Variants in SNTG1 observed in about 807,000 individuals in gnomAD.
The protein encoded by SNTG1 is syntrophin gamma 1, also known as gamma-1-syntrophin.
A neutral mutation model predicts 74.7 loss-of-function variants in SNTG1; 39 were observed. That is an observed-to-expected ratio of 0.52 (90% CI 0.40 to 0.68). The LOEUF (loss-of-function observed/expected upper bound fraction) is 0.68, where lower values mean the gene tolerates loss of function less well. Ranked by LOEUF, SNTG1 falls within the 30% of genes least tolerant of loss-of-function variation. The pLI is 0.00. For synonymous variants in SNTG1, 254 were observed against 217.1 expected (o/e 1.17, Z -1.49); for missense variants, 685 against 609.5 (o/e 1.12, Z -1.30).
At chr8:50,541,056 TC>T (rs1239325240) in intron 11 of SNTG1, among the ~76,000 whole-genome samples, 1 of 152,160 alleles carries the variant, frequency 6.6e-6, no homozygotes, top group African/African-American at 2.4e-5. Flanking sequence ...CTTATTTTTT[TC>T]TATTGAAAAT....
At chr8:50,434,778 C>T (rs1390438016) in intron 4 of SNTG1, among the ~76,000 whole-genome samples, 1 of 152,160 alleles carries the variant, frequency 6.6e-6, no homozygotes, top group Non-Finnish European at 1.5e-5. Flanking sequence ...ACTTCAGCTA[C>T]TCTTCCTCAG....
intron 2 of SNTG1, among the ~76,000 whole-genome samples, chr8:50,254,683 T>A (rs1223502689): frequency 6.6e-6 from 1 of 151,838 alleles, no homozygotes; most frequent in African/African-American, 2.4e-5. Context: ...CTGTCTCTAC[T>A]AAAAATACAA....
At chr8:50,216,818 G>T (rs888888508) in intron 2 of SNTG1, among the ~76,000 whole-genome samples, 1 of 152,010 alleles carries the variant, frequency 6.6e-6, no homozygotes, top group Non-Finnish European at 1.5e-5. Flanking sequence ...CTTAGTGAAT[G>T]ATTTTAGAGA....
intron 1 of SNTG1, among the ~76,000 whole-genome samples, chr8:50,165,714 T>G (rs1221718059): frequency 3.3e-5 from 5 of 152,188 alleles, no homozygotes; most frequent in Non-Finnish European, 5.9e-5. Flanking sequence ...AACCCTGGAT[T>G]GGAAAACCTT....
At chr8:49,953,650 C>G (rs1054958545) in intron 1 of SNTG1, among the ~76,000 whole-genome samples, 1 of 152,192 alleles carries the variant, frequency 6.6e-6, no homozygotes, top group African/African-American at 2.4e-5. Context: ...TTTGTTATCT[C>G]ATCAGGGTAT....
intron 12 of SNTG1, among the ~76,000 whole-genome samples, chr8:50,573,263 A>G (rs1469830266): frequency 6.6e-6 from 1 of 152,122 alleles, no homozygotes; most frequent in Admixed American, 6.6e-5. Flanking sequence ...TGCTAAATCA[A>G]TGCTGCTAAA....
At chr8:49,951,095 T>C (rs1371757817) in intron 1 of SNTG1, among the ~76,000 whole-genome samples, 1 of 152,198 alleles carries the variant, frequency 6.6e-6, no homozygotes, top group Non-Finnish European at 1.5e-5. Flanking sequence ...TTTGGGGGGA[T>C]AGTAAAATTG....
chr8:49,937,003 G>A (rs529033168), intron 1 of SNTG1, among the ~76,000 whole-genome samples: 51 of 152,036 alleles, frequency 3.4e-4, no homozygotes, highest in Non-Finnish European at 4.1e-4. Flanking sequence ...ACAAAAATTC[G>A]CCGGACGTGG....
At chr8:50,737,232 C>T (rs1384909282) in intron 17 of SNTG1, among the ~76,000 whole-genome samples, 1 of 151,932 alleles carries the variant, frequency 6.6e-6, no homozygotes, top group Non-Finnish European at 1.5e-5. Context: ...GGCATATTAC[C>T]ACTGATCCCA....
intron 1 of SNTG1, among the ~76,000 whole-genome samples, chr8:49,913,379 A>G (rs1805743784): frequency 6.6e-6 from 1 of 152,258 alleles, no homozygotes; most frequent in South Asian, 2.1e-4. Context: ...ATGCATATCT[A>G]TACGTACCTT....
chr8:50,293,920 A>G (rs190633560), intron 2 of SNTG1, among the ~76,000 whole-genome samples: 1 of 152,310 alleles, frequency 6.6e-6, no homozygotes, highest in East Asian at 1.9e-4. Context: ...ATTTGACATC[A>G]TATAACTTTT....
chr8:50,764,642 A>G (rs2095608988), intron 18 of SNTG1, among the ~76,000 whole-genome samples: 1 of 151,960 alleles, frequency 6.6e-6, no homozygotes, highest in Non-Finnish European at 1.5e-5. Flanking sequence ...GCAAAAATGT[A>G]GAAAAAAGGG....
intron 1 of SNTG1, among the ~76,000 whole-genome samples, chr8:50,160,888 A>C (rs1410458304): frequency 6.6e-6 from 1 of 152,170 alleles, no homozygotes; most frequent in Non-Finnish European, 1.5e-5. Flanking sequence ...AAACAACTGG[A>C]CACAAGCCTG....
intron 18 of SNTG1, among the ~76,000 whole-genome samples, chr8:50,768,142 A>G (rs2095618428): frequency 1.3e-5 from 2 of 152,056 alleles, no homozygotes; most frequent in Admixed American, 6.6e-5. Context: ...CCTTGCCCCA[A>G]GTCCCCACCA....
At chr8:50,667,782 G>A (rs1462440261) in intron 15 of SNTG1, among the ~76,000 whole-genome samples, 1 of 151,916 alleles carries the variant, frequency 6.6e-6, no homozygotes, top group South Asian at 2.1e-4. Context: ...TCTTAAAAAG[G>A]TTGATTGCTT....
chr8:50,517,946 G>A (rs538229865), intron 9 of SNTG1, among the ~76,000 whole-genome samples: 2 of 152,138 alleles, frequency 1.3e-5, no homozygotes, highest in African/African-American at 2.4e-5. Context: ...CAGCTCTGGA[G>A]CAAGTGGACT....
intron 1 of SNTG1, among the ~76,000 whole-genome samples, chr8:50,097,294 G>A (rs1563588406): frequency 2.0e-5 from 3 of 150,956 alleles, no homozygotes; most frequent in Admixed American, 1.3e-4. Context: ...TAGATGCTTA[G>A]TTGTGAATTT....
At chr8:50,616,631 C>A (rs2094887034) in intron 13 of SNTG1, among the ~76,000 whole-genome samples, 1 of 152,124 alleles carries the variant, frequency 6.6e-6, no homozygotes, top group Non-Finnish European at 1.5e-5. Context: ...CTCTCTTGAG[C>A]CCTCCCCCTC....
chr8:50,725,933 G>A (rs558077464), intron 17 of SNTG1, among the ~76,000 whole-genome samples: 1 of 152,284 alleles, frequency 6.6e-6, no homozygotes, highest in Non-Finnish European at 1.5e-5. Flanking sequence ...GTGACTGTAG[G>A]ATTGGCAAGG....
Sources: gnomAD v4.1 joint callset for allele counts (sites outside exome capture counted in the v4.1 genomes callset) on GRCh38, gnomAD v4.1.1 for gene constraint, MANE v1.5 for transcripts, NCBI Gene and HGNC (gene_info 2026-07-23, HGNC 2026-07-21) for gene names.